Variants in BHMT2 observed in about 807,000 individuals in gnomAD.
The protein encoded by BHMT2 is betaine--homocysteine S-methyltransferase 2.
BHMT2 carries 28 observed loss-of-function variants against 39.0 expected under a neutral mutation model. The observed-to-expected ratio is 0.72, with a 90% CI of 0.53 to 0.98. The LOEUF (loss-of-function observed/expected upper bound fraction) is 0.98, where lower values mean the gene tolerates loss of function less well. Ranked by LOEUF, BHMT2 falls within the 50% of genes least tolerant of loss-of-function variation. The probability of loss-of-function intolerance (pLI) is 0.00; values close to 1 mark genes in which losing one functional copy is unlikely to be tolerated. For missense variants in BHMT2, 410 were observed against 455.6 expected (o/e 0.90, Z 0.91); for synonymous variants, 145 against 160.6 (o/e 0.90, Z 0.74).
intron 4 of BHMT2, 37 bp downstream of exon 4, chr5:79,080,915 T>A: frequency 6.6e-7 from 1 of 1,514,966 alleles, no homozygotes; most frequent in Non-Finnish European, 8.8e-7. Flanking sequence ...TTGAACCTAT[T>A]TTGCAAGCAT....
At position 79,087,532 on chromosome 5, in the gene BHMT2, C is replaced by G. The variant is rs187252574; in HGVS notation, c.1011-961C>G. 5.1e-3 allele frequency among the ~76,000 whole-genome samples: 775 copies of G among 152,226 alleles called. 3 individuals carry two copies. Among genetic ancestry groups the G allele is most frequent in the East Asian group, 0.032 (166 of 5,178 alleles). Reference sequence around the variant, plus strand: ...CTTTTTACCCTGACTCCCAAACCTACTGATATTCACAGAAATTTATGATTA... The same window carrying G: ...CTTTTTACCCTGACTCCCAAACCTAGTGATATTCACAGAAATTTATGATTA... On this transcript the variant is annotated intron_variant, in intron 7 of 7. Coordinates refer to ENST00000255192, the MANE Select transcript of BHMT2 (RefSeq NM_017614.5).
At chr5:79,075,481 T>A (rs577033941) in intron 1 of BHMT2, among the ~76,000 whole-genome samples, 1 of 152,224 alleles carries the variant, frequency 6.6e-6, no homozygotes, top group Non-Finnish European at 1.5e-5. Flanking sequence ...ATAGAACAGA[T>A]AAGACTAGTT....
At position 79,089,838 on chromosome 5, in the gene BHMT2, G is replaced by A. The variant is rs1755987716; in HGVS notation, c.*1264G>A. Among the ~76,000 whole-genome samples, 1 of 152,148 alleles carries A rather than the reference G, an allele frequency of 6.6e-6. No homozygotes were observed. Among genetic ancestry groups the A allele is most frequent in the Non-Finnish European group, 1.5e-5 (1 of 68,018 alleles). ...ACAAAAATTATCCAGGCATGGTGGT[G>A]CATGCCTGTAATCCCAGCTACTTGG... On this transcript the variant is annotated 3_prime_UTR_variant, in exon 8 of 8. Coordinates refer to ENST00000255192, the MANE Select transcript of BHMT2 (RefSeq NM_017614.5).
At chr5:79,080,664 G>T in intron 3 of BHMT2, 23 bp from the exon 4 acceptor site, 2 of 1,560,106 alleles carry the variant, frequency 1.3e-6, no homozygotes, top group South Asian at 2.4e-5. Context: ...CTCACTATCT[G>T]AACTCTTGCT....
chr5:79,086,566 A>G (rs1173228079), intron 7 of BHMT2, among the ~76,000 whole-genome samples: 1 of 152,222 alleles, frequency 6.6e-6, no homozygotes, highest in Non-Finnish European at 1.5e-5. Context: ...AGTAGTATGC[A>G]TGGGACCATG....
chr5:79,086,736 T>G (rs1755902782), intron 7 of BHMT2, among the ~76,000 whole-genome samples: 1 of 152,146 alleles, frequency 6.6e-6, no homozygotes, highest in African/African-American at 2.4e-5. Context: ...TGACTTTCTT[T>G]GTATAGCCTT....
chr5:79,088,652 CT>C lies in BHMT2; in HGVS notation c.*80del. On this transcript the variant is annotated 3_prime_UTR_variant, in exon 8 of 8. Transcript: ENST00000255192. ...AGCCTGACCTGGAACCGTTCCTCAC[CT>C]TCATCCTCACCATGCCCTGCTATCT... 1 of 1,149,418 alleles carries C rather than the reference CT, an allele frequency of 8.7e-7. No individual in the cohort carries two copies. Among genetic ancestry groups the C allele is most frequent in the East Asian group, 2.4e-5 (1 of 41,588 alleles). The allele number at this position is 1,149,418 out of a possible 1,614,324, so 71.2% of individuals were successfully genotyped here.
intron 2 of BHMT2, among the ~76,000 whole-genome samples, chr5:79,079,104 G>A (rs999050641): frequency 6.6e-6 from 1 of 152,160 alleles, no homozygotes; most frequent in Non-Finnish European, 1.5e-5. Context: ...GGGTTAATTG[G>A]CCAGTCAGGC....
intron 3 of BHMT2, among the ~76,000 whole-genome samples, chr5:79,079,773 G>A (rs1290029906): frequency 6.6e-6 from 1 of 152,152 alleles, no homozygotes; most frequent in Non-Finnish European, 1.5e-5. Context: ...GCAGGCGCCA[G>A]TAATCCCAGC....
chr5:79,082,732 T>A lies in BHMT2; in HGVS notation c.451-77T>A. On this transcript the variant is annotated intron_variant, in intron 4 of 7. Coordinates refer to ENST00000255192, the MANE Select transcript of BHMT2 (RefSeq NM_017614.5). The stretch of plus-strand genomic sequence containing the variant: ...TATTCTATTTGGTAATTTTTATAAC[T>A]GTTTTGCTATATTTACCTTTACCAT... 6.0e-6 allele frequency: 9 copies of A among 1,511,706 alleles called. No individual in the cohort carries two copies. The South Asian group carries it at 1.1e-4, about 19-fold the overall frequency. 93.6% of individuals were successfully genotyped at this position (1,511,706 alleles called of 1,614,324 possible). A position where few individuals can be genotyped will look rare whatever the true frequency, so the allele number is the denominator to read the frequency against.
intron 1 of BHMT2, among the ~76,000 whole-genome samples, chr5:79,075,570 G>T (rs1755657218): frequency 6.6e-6 from 1 of 152,264 alleles, no homozygotes; most frequent in South Asian, 2.1e-4. Flanking sequence ...AAATGAACTG[G>T]CCTATTATCA....
At chr5:79,083,933 C>G (rs573040370) in intron 7 of BHMT2, 77 bp downstream of exon 7, 18 of 1,488,000 alleles carry the variant, frequency 1.2e-5, no homozygotes, top group Non-Finnish European at 1.5e-5. Flanking sequence ...GTCATGCATG[C>G]ACATGACAAA....
At chr5:79,074,369 C>T (rs558956098) in intron 1 of BHMT2, among the ~76,000 whole-genome samples, 4 of 152,274 alleles carry the variant, frequency 2.6e-5, no homozygotes, top group African/African-American at 9.6e-5. Flanking sequence ...ATACTGTTAA[C>T]AGGACTGTCC....
intron 1 of BHMT2, chr5:79,071,235 T>G (rs138149712): frequency 3.2e-4 from 48 of 152,338 alleles, no homozygotes; most frequent in African/African-American, 1.1e-3. Context: ...AAGAATTCAT[T>G]TAATTGCCAC....
At position 79,079,358 on chromosome 5, in the gene BHMT2, C is replaced by G. The variant is rs771085961; in HGVS notation, c.167-11C>G. 26 of 1,591,992 alleles carry G rather than the reference C, an allele frequency of 1.6e-5. No individual in the cohort carries two copies. In the African/African-American group the frequency reaches 3.1e-4, roughly 19 times the overall value. ...ATTTATTTCAATGTTTAAAACCCAA[C>G]TACTTTGTAGTTCGTCAACTTCACA... On this transcript the variant is annotated splice_polypyrimidine_tract_variant and intron_variant, in intron 2 of 7. Coordinates refer to ENST00000255192, the MANE Select transcript of BHMT2 (RefSeq NM_017614.5).
chr5:79,087,435 G>A (rs927388354), intron 7 of BHMT2, among the ~76,000 whole-genome samples: 2 of 152,108 alleles, frequency 1.3e-5, no homozygotes, highest in African/African-American at 4.8e-5. Context: ...ATTATCATCT[G>A]CTAGGAATCC....
chr5:79,087,755 CT>C (rs1158137366), intron 7 of BHMT2, among the ~76,000 whole-genome samples: 3 of 152,168 alleles, frequency 2.0e-5, no homozygotes, highest in African/African-American at 7.2e-5. Flanking sequence ...TTCTTAGTTA[CT>C]TTTTGGAGAA....
At chr5:79,078,521 C>T (rs1755721647) in intron 2 of BHMT2, among the ~76,000 whole-genome samples, 1 of 152,184 alleles carries the variant, frequency 6.6e-6, no homozygotes, top group Non-Finnish European at 1.5e-5. Flanking sequence ...TTGATTCTTC[C>T]ACTGACCAGC....
At position 79,088,747 on chromosome 5, in the gene BHMT2, T is replaced by G. The variant is rs1755958335; in HGVS notation, c.*173T>G. On this transcript the variant is annotated 3_prime_UTR_variant, in exon 8 of 8. Coordinates refer to ENST00000255192, the MANE Select transcript of BHMT2 (RefSeq NM_017614.5). Reference sequence around the variant, plus strand: ...GCCCACAAGTGTGTGCATATTGAGCTCCTGCTGTGGTTAAGCACTGCAACA... The same window carrying G: ...GCCCACAAGTGTGTGCATATTGAGCGCCTGCTGTGGTTAAGCACTGCAACA... The G allele has an allele frequency of 5.3e-6, 3 of 563,480 alleles. No individual in the cohort carries two copies. The highest frequency in any genetic ancestry group is 9.7e-6 in the Non-Finnish European group (3 of 307,878). The allele number at this position is 563,480 out of a possible 1,614,324, so 34.9% of individuals were successfully genotyped here.
Sources: allele counts gnomAD v4.1 joint callset (sites outside exome capture counted in the v4.1 genomes callset), GRCh38; gene constraint gnomAD v4.1.1; transcripts MANE v1.5; gene names NCBI Gene and HGNC (gene_info 2026-07-23, HGNC 2026-07-21).